ZDHHC21: variants seen among roughly 807,000 people sequenced by gnomAD.
The protein encoded by ZDHHC21 is palmitoyltransferase ZDHHC21.
In ZDHHC21, 15 loss-of-function variants were observed where a neutral mutation model predicts 34.6. That is an observed-to-expected ratio of 0.43 (90% CI 0.29 to 0.67). The LOEUF is 0.67. Among genes scored for constraint, ZDHHC21 ranks in the 30% least tolerant of loss-of-function variants. The pLI is 0.14. For synonymous variants in ZDHHC21, 142 were observed against 101.8 expected, an observed-to-expected ratio of 1.40 and a Z score of -2.38; for missense variants, 344 against 327.7, an observed-to-expected ratio of 1.05 and a Z score of -0.38.
rs79219349 is a variant in ZDHHC21, at chr9:14,670,427, T to C, written c.253+2403A>G. Among the ~76,000 whole-genome samples the C allele has an allele frequency of 5.3e-5, 8 of 152,228 alleles. No homozygotes were observed. In the East Asian group the frequency reaches 1.2e-3, roughly 22 times the overall value. ...TTATTGAAAATAACAATTTGTGACA[T>C]GTAAAATCATAAAATTCAAATTTCT... On this transcript the variant is annotated intron_variant, in intron 5 of 9. Transcript: ENST00000380916.
At chr9:14,607,082 C>A (rs200733159), downstream of ZDHHC21, among the ~76,000 whole-genome samples, 128 of 131,638 alleles carry the variant, frequency 9.7e-4, no homozygotes, top group Middle Eastern at 4.0e-3. Context: ...TTACTAATAG[C>A]AAAAAAAAAA....
At chr9:14,593,049 T>A in the ZDHHC21 span, among the ~76,000 whole-genome samples, 2 of 151,860 alleles carry the variant, frequency 1.3e-5, no homozygotes, top group Non-Finnish European at 2.9e-5. Flanking sequence ...AAAATCTATA[T>A]TAGAAAAAAT....
At chr9:14,642,714 GAGAAA>G (rs1030475471) in intron 7 of ZDHHC21, among the ~76,000 whole-genome samples, 1 of 152,178 alleles carries the variant, frequency 6.6e-6, no homozygotes, top group African/African-American at 2.4e-5. Flanking sequence ...GAGGCATCAG[GAGAAA>G]ACTAACCTGC....
the ZDHHC21 span, among the ~76,000 whole-genome samples, chr9:14,604,837 G>A: frequency 1.3e-5 from 2 of 152,054 alleles, no homozygotes; most frequent in African/African-American, 2.4e-5. Context: ...TTAAACTCGC[G>A]TGACAGAAAC....
chr9:14,663,402 A>G (rs962240264), intron 5 of ZDHHC21, among the ~76,000 whole-genome samples: 1 of 152,116 alleles, frequency 6.6e-6, no homozygotes. Flanking sequence ...TGACATATGA[A>G]AAGTCTAAAA....
At chr9:14,643,461 T>C (rs1428191785) in intron 7 of ZDHHC21, among the ~76,000 whole-genome samples, 2 of 152,192 alleles carry the variant, frequency 1.3e-5, no homozygotes, top group Non-Finnish European at 2.9e-5. Flanking sequence ...CTTCTCCTGC[T>C]CTGAAACTAC....
chr9:14,670,683 A>G (rs955716926), intron 5 of ZDHHC21, among the ~76,000 whole-genome samples: 3 of 152,138 alleles, frequency 2.0e-5, no homozygotes, highest in Admixed American at 6.5e-5. Context: ...ACATGAAGAT[A>G]TTACATAAGT....
At chr9:14,620,141 A>G (rs1825035800) in intron 8 of ZDHHC21, among the ~76,000 whole-genome samples, 1 of 152,052 alleles carries the variant, frequency 6.6e-6, no homozygotes, top group Admixed American at 6.6e-5. Context: ...ACAAAACTCA[A>G]CAAGGCAATC....
In ZDHHC21 at chr9:14,614,356, C is replaced by T. The variant is rs1453153515; in HGVS notation, c.*4610G>A. On this transcript the variant is annotated 3_prime_UTR_variant, in exon 10 of 10. Transcript: ENST00000380916. Reference sequence around the variant, plus strand: ...TTCAAATTAGCAGGCAGTATTGTAACATCTGAAGAACTGACAAAGATATAG... The same window carrying T: ...TTCAAATTAGCAGGCAGTATTGTAATATCTGAAGAACTGACAAAGATATAG... 6.6e-6 allele frequency: 1 copy of T among 151,664 alleles called. No homozygotes were observed. Among genetic ancestry groups the T allele is most frequent in the Non-Finnish European group, 1.5e-5 (1 of 67,728 alleles). 9.4% of individuals were successfully genotyped at this position (151,664 alleles called of 1,614,324 possible). A position where few individuals can be genotyped will look rare whatever the true frequency, so the allele number is the denominator to read the frequency against.
chr9:14,612,672 G>A lies in ZDHHC21; in HGVS notation c.*6294C>T, dbSNP rs1223015588. 1 of 151,160 alleles carries A rather than the reference G, an allele frequency of 6.6e-6. No individual in the cohort carries two copies. The highest frequency in any genetic ancestry group is 1.5e-5 in the Non-Finnish European group (1 of 67,634). The allele number at this position is 151,160 out of a possible 1,614,324, so 9.4% of individuals were successfully genotyped here. On this transcript the variant is annotated 3_prime_UTR_variant, in exon 10 of 10. Transcript: ENST00000380916. ...TCAAGGTACATATGCATTTCCTCTT[G>A]GGAAAGCATCTCTCTCTCTGTCTCT...
chr9:14,670,528 C>G (rs1294133235), intron 5 of ZDHHC21, among the ~76,000 whole-genome samples: 1 of 151,958 alleles, frequency 6.6e-6, no homozygotes, highest in African/African-American at 2.4e-5. Context: ...AGTGGCAGAG[C>G]TGAGGAGTTG....
intron 8 of ZDHHC21, among the ~76,000 whole-genome samples, chr9:14,634,742 G>A (rs183035826): frequency 6.6e-6 from 1 of 152,184 alleles, no homozygotes; most frequent in South Asian, 2.1e-4. Context: ...AAAAACATCT[G>A]TTACAACAGA....
At chr9:14,627,472 G>A (rs1183809768) in intron 8 of ZDHHC21, among the ~76,000 whole-genome samples, 2 of 152,004 alleles carry the variant, frequency 1.3e-5, no homozygotes, top group Non-Finnish European at 2.9e-5. Flanking sequence ...GAAACCAAAT[G>A]CAAAAATCAC....
At chr9:14,650,886 C>T (rs1202759891) in intron 7 of ZDHHC21, among the ~76,000 whole-genome samples, 5 of 151,882 alleles carry the variant, frequency 3.3e-5, no homozygotes, top group Admixed American at 6.6e-5. Context: ...CTTCTGTCAC[C>T]CACTGCTCTC....
At position 14,654,625 on chromosome 9, in the gene ZDHHC21, A is replaced by G. The variant is rs553591942; in HGVS notation, c.504+4124T>C. On this transcript the variant is annotated intron_variant, in intron 7 of 9. Transcript: ENST00000380916. ...CTGTGATTAACACGTTTAAAAAAAT[A>G]GATGACAAAATAGATGATTTCACCA... is the stretch of plus-strand genomic sequence containing the variant. Among the ~76,000 whole-genome samples the G allele has an allele frequency of 1.3e-4, 20 of 152,240 alleles. No homozygotes were observed. In the South Asian group the frequency reaches 4.1e-3, roughly 31 times the overall value.
At position 14,693,297 on chromosome 9, in the gene ZDHHC21, G is replaced by A. The variant is rs1284305488; in HGVS notation, c.-293C>T. ...GCCAGCAGCTCTTTCCCCTCCTCCT[G>A]CCGCGCCACCTCCGCCTCCTCCGGC... On this transcript the variant is annotated 5_prime_UTR_variant, in exon 1 of 10. The change creates a premature stop within an existing upstream ORF in the 5' untranslated region. Transcript: ENST00000380916. 3 of 418,328 alleles carry A rather than the reference G, an allele frequency of 7.2e-6. No individual in the cohort carries two copies. Among genetic ancestry groups the A allele is most frequent in the Admixed American group, 2.6e-5 (1 of 38,124 alleles). The allele number at this position is 418,328 out of a possible 1,614,324, so 25.9% of individuals were successfully genotyped here. A position where few individuals can be genotyped will look rare whatever the true frequency, so the allele number is the denominator to read the frequency against.
rs548026469 is a variant in ZDHHC21 at position 14,688,779 on chromosome 9, T to C, written c.-176+1558A>G. Among the ~76,000 whole-genome samples the C allele has an allele frequency of 1.1e-4, 16 of 152,302 alleles. No homozygotes were observed. In the South Asian group the frequency reaches 2.3e-3, roughly 22 times the overall value. On this transcript the variant is annotated intron_variant, in intron 2 of 9. Coordinates refer to ENST00000380916, the MANE Select transcript of ZDHHC21 (RefSeq NM_178566.6). ...CGGGAGGCTGAGACAGGAGAATTGC[T>C]TGAACCCGGGAGGCGGAGGTTGCAG...
intron 8 of ZDHHC21, among the ~76,000 whole-genome samples, chr9:14,639,314 T>A (rs1828882600): frequency 6.6e-6 from 1 of 152,004 alleles, no homozygotes; most frequent in South Asian, 2.1e-4. Context: ...AAAGCTGATC[T>A]CATGGAGGTC....
intron 7 of ZDHHC21, among the ~76,000 whole-genome samples, chr9:14,651,460 T>C (rs929083484): frequency 6.6e-6 from 1 of 151,826 alleles, no homozygotes; most frequent in Non-Finnish European, 1.5e-5. Flanking sequence ...AGTGGCAAGT[T>C]TGTGATTGGA....
Sources: gnomAD v4.1 joint callset for allele counts (sites outside exome capture counted in the v4.1 genomes callset) on GRCh38, gnomAD v4.1.1 for gene constraint, MANE v1.5 for transcripts, NCBI Gene and HGNC (gene_info 2026-07-23, HGNC 2026-07-21) for gene names.